KCNQ1: variants seen among roughly 807,000 people sequenced by gnomAD.
KCNQ1 encodes potassium voltage-gated channel subfamily Q member 1, also known as potassium voltage-gated channel subfamily KQT member 1.
Under a neutral mutation model 72.4 loss-of-function variants are expected in KCNQ1, and 49 were observed. The observed-to-expected ratio is 0.68, with a 90% CI of 0.54 to 0.86. The LOEUF is 0.86. Ranked by LOEUF, KCNQ1 falls within the 40% of genes least tolerant of loss-of-function variation. KCNQ1 has a pLI of 0.00. For synonymous variants in KCNQ1, 450 were observed against 412.6 expected, an observed-to-expected ratio of 1.09 and a Z score of -1.10; for missense variants, 790 against 945.1, an observed-to-expected ratio of 0.84 and a Z score of 2.15.
intron 11 of KCNQ1, among the ~76,000 whole-genome samples, chr11:2,709,290 A>C (rs1850965741): frequency 8.3e-6 from 1 of 121,130 alleles, no homozygotes; most frequent in Non-Finnish European, 1.6e-5. Context: ...GGCTTTCAGC[A>C]TGAGAAATAT....
chr11:2,832,579 T>G (rs1372272733), intron 15 of KCNQ1, among the ~76,000 whole-genome samples: 3 of 152,140 alleles, frequency 2.0e-5, no homozygotes, highest in Non-Finnish European at 2.9e-5. Context: ...GGAGAGCCAG[T>G]GCAGGCAAAG....
Position 2,530,283 on chromosome 11 carries a change from A to G in KCNQ1, c.477+2265A>G, listed in dbSNP as rs563249956. On this transcript the variant is annotated intron_variant, in intron 2 of 15. Coordinates refer to ENST00000155840, the MANE Select transcript of KCNQ1 (RefSeq NM_000218.3). ...TGAGCACCCAGCCAAGTCTCTGGCC[A>G]TGTCTAGCAGGAGGATGTTCTGCCC... 7.9e-5 allele frequency among the ~76,000 whole-genome samples: 12 copies of G among 152,334 alleles called. No homozygotes were observed. In the South Asian group the frequency reaches 2.5e-3, roughly 32 times the overall value.
intron 11 of KCNQ1, among the ~76,000 whole-genome samples, chr11:2,743,515 C>G (rs577154115): frequency 1.3e-5 from 2 of 152,194 alleles, no homozygotes; most frequent in Non-Finnish European, 2.9e-5. Context: ...CCCAGCTCCC[C>G]GGCATGCAGC....
intron 10 of KCNQ1, chr11:2,616,055 A>G: frequency 2.5e-6 from 1 of 398,102 alleles, no homozygotes. Flanking sequence ...GTCTGCTCAT[A>G]ATTTCAATTT....
chr11:2,656,899 T>C (rs1421345446), intron 10 of KCNQ1: 8 of 398,514 alleles, frequency 2.0e-5, no homozygotes, highest in Admixed American at 4.4e-5. Flanking sequence ...TTTTGGTATA[T>C]GATGTGAGGT....
Position 2,633,279 on chromosome 11 carries a change from G to A in KCNQ1, c.1394-28682G>A, listed in dbSNP as rs561691302. On this transcript the variant is annotated intron_variant, in intron 10 of 15. Coordinates refer to ENST00000155840, the MANE Select transcript of KCNQ1 (RefSeq NM_000218.3). Reference sequence around the variant, plus strand: ...ATTGTTTGAATTCCTTGTATATTCCGGATATTAATCCCTTGTCAGATGAAT... The same window carrying A: ...ATTGTTTGAATTCCTTGTATATTCCAGATATTAATCCCTTGTCAGATGAAT... 32 of 398,370 alleles carry A rather than the reference G, an allele frequency of 8.0e-5. 1 individual carries two copies. Among genetic ancestry groups the A allele is most frequent in the East Asian group, 3.9e-4 (11 of 28,044 alleles). The allele number at this position is 398,370 out of a possible 1,614,324, so 24.7% of individuals were successfully genotyped here.
intron 12 of KCNQ1, among the ~76,000 whole-genome samples, chr11:2,770,181 C>T (rs546866400): frequency 6.6e-6 from 1 of 152,286 alleles, no homozygotes; most frequent in South Asian, 2.1e-4. Context: ...TTGACACAGG[C>T]CCGCCCACAG....
chr11:2,644,046 A>T (rs1033525121), intron 10 of KCNQ1: 3 of 398,354 alleles, frequency 7.5e-6, no homozygotes, highest in Non-Finnish European at 8.8e-6. Flanking sequence ...TTGTCTTGGG[A>T]TGGGCAATTT....
chr11:2,738,392 C>T (rs1333182682), intron 11 of KCNQ1, among the ~76,000 whole-genome samples: 1 of 152,174 alleles, frequency 6.6e-6, no homozygotes, highest in African/African-American at 2.4e-5. Context: ...GGCAGAAGAT[C>T]CTTCTTCCAG....
At chr11:2,689,135 C>T in intron 11 of KCNQ1, 1 of 398,730 alleles carries the variant, frequency 2.5e-6, no homozygotes, top group African/African-American at 2.1e-5. Flanking sequence ...AAGCCTGAGA[C>T]CCTAAGGAGA....
chr11:2,523,006 A>C (rs2283151), intron 1 of KCNQ1, among the ~76,000 whole-genome samples: 99,967 of 152,004 alleles, frequency 0.66, 33,339 homozygotes, highest in African/African-American at 0.72. Context: ...TATCTGAGCC[A>C]GCTGTGTCTC....
Position 2,471,742 on chromosome 11 carries a change from A to T in KCNQ1, c.386+26258A>T, listed in dbSNP as rs1460014964. ...TGTGCATGGGCGTGTGTATGTGTGC[A>T]TGGGCGTGTGTGTACTTGTGTATGG... is the stretch of plus-strand genomic sequence containing the variant. On this transcript the variant is annotated intron_variant, in intron 1 of 15. Transcript: ENST00000155840. The surrounding 1 kb of genome is among the most constrained non-coding windows in gnomAD (Gnocchi z 4.8). Among the ~76,000 whole-genome samples, 1 of 140,356 alleles carries T rather than the reference A, an allele frequency of 7.1e-6. No individual in the cohort carries two copies. Among genetic ancestry groups the T allele is most frequent in the African/African-American group, 2.9e-5 (1 of 34,798 alleles). 92.1% of individuals were successfully genotyped at this position (140,356 alleles called of 152,430 possible).
Position 2,593,542 on chromosome 11 carries a change from T to G in KCNQ1, c.1393+4688T>G, listed in dbSNP as rs570525432. Among the ~76,000 whole-genome samples the G allele has an allele frequency of 2.0e-3, 305 of 152,302 alleles. No homozygotes were observed. Among genetic ancestry groups the G allele is most frequent in the African/African-American group, 6.9e-3 (287 of 41,560 alleles). ...TGTGTGTCACCACGTGTTTGCCAGG[T>G]GACCTGGGACTATTGTGTGGTTTCC... is the stretch of plus-strand genomic sequence containing the variant. On this transcript the variant is annotated intron_variant, in intron 10 of 15. Coordinates refer to ENST00000155840, the MANE Select transcript of KCNQ1 (RefSeq NM_000218.3). This position sits in a 1 kb window ranked among gnomAD's most constrained non-coding sequence, Gnocchi z 6.9.
intron 11 of KCNQ1, chr11:2,684,513 C>G: frequency 7.5e-6 from 3 of 398,664 alleles, no homozygotes; most frequent in Non-Finnish European, 1.3e-5. Flanking sequence ...TCCTATTCCA[C>G]TGTTAGGTGT....
At chr11:2,631,634 C>A in intron 10 of KCNQ1, 1 of 398,374 alleles carries the variant, frequency 2.5e-6, no homozygotes, top group South Asian at 1.3e-4. Flanking sequence ...GCTATGTTTC[C>A]TTGGTTTTTC....
Position 2,559,539 on chromosome 11 carries a change from C to G in KCNQ1, c.478-11089C>G, listed in dbSNP as rs1848127999. On this transcript the variant is annotated intron_variant, in intron 2 of 15. Transcript: ENST00000155840. The surrounding 1 kb of genome is among the most constrained non-coding windows in gnomAD (Gnocchi z 4.9). Reference sequence around the variant, plus strand: ...TGTCCGGGATGTGGGGACCAGACGACAGCTGTCACCCACTTGCAGGGCCCG... The same window carrying G: ...TGTCCGGGATGTGGGGACCAGACGAGAGCTGTCACCCACTTGCAGGGCCCG... 6.6e-6 allele frequency among the ~76,000 whole-genome samples: 1 copy of G among 152,226 alleles called. No homozygotes were observed. The highest frequency in any genetic ancestry group is 1.5e-5 in the Non-Finnish European group (1 of 68,034).
Position 2,538,845 on chromosome 11 carries a change from G to GGAGGTA in KCNQ1, c.477+10832_477+10837dup. On this transcript the variant is annotated intron_variant, in intron 2 of 15. Coordinates refer to ENST00000155840, the MANE Select transcript of KCNQ1 (RefSeq NM_000218.3). This position sits in a 1 kb window ranked among gnomAD's most constrained non-coding sequence, Gnocchi z 6.7. ...GGGGGGCAGTGAGGGGCCTGGGGCA[G>GGAGGTA]GAGGTAGAGGAAACTGCAAGATTTT... Among the ~76,000 whole-genome samples, 1 of 152,124 alleles carries GGAGGTA rather than the reference G, an allele frequency of 6.6e-6. No individual in the cohort carries two copies. Among genetic ancestry groups the GGAGGTA allele is most frequent in the Non-Finnish European group, 1.5e-5 (1 of 67,980 alleles).
rs140039141 is a variant in KCNQ1 at position 2,695,791 on chromosome 11, C to G, written c.1514+33710C>G. The G allele has an allele frequency of 2.0e-5, 8 of 398,640 alleles. 1 individual carries two copies. In the East Asian group the frequency reaches 2.8e-4, roughly 14 times the overall value. The allele number at this position is 398,640 out of a possible 1,614,324, so 24.7% of individuals were successfully genotyped here. On this transcript the variant is annotated intron_variant, in intron 11 of 15. Transcript: ENST00000155840. The surrounding 1 kb of genome is among the most constrained non-coding windows in gnomAD (Gnocchi z 5.2). ...CTTATCCTACTTTCTAATGCTTCTC[C>G]TATGAAGAATAGCTGTTGCTTTCAT...
intron 11 of KCNQ1, chr11:2,662,635 G>C (rs566358701): frequency 2.4e-6 from 1 of 409,376 alleles, no homozygotes; most frequent in Non-Finnish European, 4.3e-6. Flanking sequence ...CCCGGTGCCC[G>C]GCCACGGTGT....
Sources: gnomAD v4.1 joint callset for allele counts (sites outside exome capture counted in the v4.1 genomes callset) on GRCh38, gnomAD v4.1.1 for gene constraint, Gnocchi (gnomAD v3.1) non-coding constraint, MANE v1.5 for transcripts, NCBI Gene and HGNC (gene_info 2026-07-23, HGNC 2026-07-21) for gene names.